The following BCHE variants were observed in gnomAD, a reference collection of about 807,000 sequenced individuals.
The protein encoded by BCHE is butyrylcholinesterase, also known as cholinesterase.
A neutral mutation model predicts 51.3 loss-of-function variants in BCHE; 48 were observed. The ratio of observed to expected loss-of-function variants is 0.94; its 90% CI spans 0.74 to 1.19. BCHE has a LOEUF of 1.19. BCHE is among the 50% of genes most tolerant of loss of function. BCHE has a pLI of 0.00. For missense variants in BCHE, 847 were observed against 708.2 expected, an observed-to-expected ratio of 1.20 and a Z score of -2.23; for synonymous variants, 251 against 238.0, an observed-to-expected ratio of 1.05 and a Z score of -0.50.
At chr3:165,835,277 AC>A (rs769075555) in intron 1 of BCHE, among the ~76,000 whole-genome samples, 2 of 151,820 alleles carry the variant, frequency 1.3e-5, no homozygotes, top group Non-Finnish European at 3.0e-5. Flanking sequence ...TAAATGTTAT[AC>A]TATAAGATGT....
intron 1 of BCHE, among the ~76,000 whole-genome samples, chr3:165,837,028 T>C (rs1715213842): frequency 6.6e-6 from 1 of 152,150 alleles, no homozygotes; most frequent in South Asian, 2.1e-4. Context: ...AGAATATATA[T>C]CACAGTGATT....
intron 2 of BCHE, among the ~76,000 whole-genome samples, chr3:165,802,003 C>T (rs954657007): frequency 2.0e-5 from 3 of 152,136 alleles, no homozygotes; most frequent in Admixed American, 2.0e-4. Flanking sequence ...ACTATATTAA[C>T]CCTCACTGTC....
At chr3:165,789,143 A>T (rs1338162074) in intron 2 of BCHE, among the ~76,000 whole-genome samples, 1 of 152,180 alleles carries the variant, frequency 6.6e-6, no homozygotes, top group East Asian at 1.9e-4. Context: ...AATAGTAATA[A>T]CTAAAACTTT....
At chr3:165,832,633 A>G (rs1169699182) in intron 1 of BCHE, among the ~76,000 whole-genome samples, 7 of 152,154 alleles carry the variant, frequency 4.6e-5, no homozygotes, top group African/African-American at 1.7e-4. Context: ...ATAGTCAATT[A>G]CAAATACTGA....
chr3:165,837,342 T>C lies in BCHE; in HGVS notation c.-37A>G. On this transcript the variant is annotated 5_prime_UTR_variant, in exon 1 of 4. Coordinates refer to ENST00000264381, the MANE Select transcript of BCHE (RefSeq NM_000055.4). ...ATTCTCTGCAACAAAGATGGCAAAG[T>C]TTGCAAGGAGTGAAAATCATGTAAT... is the stretch of plus-strand genomic sequence containing the variant. The C allele has an allele frequency of 7.8e-7, 1 of 1,289,730 alleles. No individual in the cohort carries two copies. The highest frequency in any genetic ancestry group is 1.0e-6 in the Non-Finnish European group (1 of 988,812). The allele number at this position is 1,289,730 out of a possible 1,614,324, so 79.9% of individuals were successfully genotyped here.
intron 1 of BCHE, among the ~76,000 whole-genome samples, chr3:165,836,942 T>C (rs2108240581): frequency 6.6e-6 from 1 of 152,300 alleles, no homozygotes; most frequent in East Asian, 1.9e-4. Flanking sequence ...CAAAGATTAC[T>C]TTTACAGAGA....
At chr3:165,825,101 A>G (rs1416386418) in intron 2 of BCHE, among the ~76,000 whole-genome samples, 2 of 152,040 alleles carry the variant, frequency 1.3e-5, no homozygotes, top group Non-Finnish European at 2.9e-5. Context: ...TAGACATACT[A>G]TATAAGACAC....
rs1289157673 is a variant in BCHE at position 165,829,636 on chromosome 3, A to T, written c.1398T>A (p.His466Gln). The T allele has an allele frequency of 6.2e-7, 1 of 1,613,832 alleles. No homozygotes were observed. The highest frequency in any genetic ancestry group is 2.2e-5 in the East Asian group (1 of 44,860). ...CAAAGACAAATTCAATTTCATAGCC[A>T]TGCATCACTCCCATCCATTCTGGCC... ...LPWPEWMGVM[H>Q]GYEIEFVFGL... Residue 466 changes from histidine to glutamine, a missense_variant, in exon 2 of 4, where the codon CAT (histidine) becomes CAA (glutamine). Coordinates refer to ENST00000264381, the MANE Select transcript of BCHE (RefSeq NM_000055.4).
At chr3:165,807,132 A>G (rs1332032082) in intron 2 of BCHE, among the ~76,000 whole-genome samples, 1 of 152,098 alleles carries the variant, frequency 6.6e-6, no homozygotes, top group Non-Finnish European at 1.5e-5. Context: ...ACTGAAGAAA[A>G]TGTTTCACTG....
chr3:165,790,501 A>T (rs1713126199), intron 2 of BCHE, among the ~76,000 whole-genome samples: 1 of 152,170 alleles, frequency 6.6e-6, no homozygotes, highest in African/African-American at 2.4e-5. Context: ...GGCTTTTCTG[A>T]GTTCTATGAA....
intron 2 of BCHE, among the ~76,000 whole-genome samples, chr3:165,815,607 A>G (rs1181476677): frequency 1.3e-5 from 2 of 152,142 alleles, no homozygotes; most frequent in Middle Eastern, 3.2e-3. Flanking sequence ...TTAATATTAT[A>G]GATTTAAAAT....
chr3:165,787,928 A>G (rs79561236), intron 2 of BCHE, among the ~76,000 whole-genome samples: 2,409 of 152,176 alleles, frequency 0.016, 71 homozygotes, highest in African/African-American at 0.055. Context: ...TAACATAAAC[A>G]AAAGATTAAA....
intron 3 of BCHE, among the ~76,000 whole-genome samples, chr3:165,777,381 C>T (rs1712512085): frequency 6.6e-6 from 1 of 151,254 alleles, no homozygotes; most frequent in Non-Finnish European, 1.5e-5. Context: ...AGTTATCACC[C>T]CAATAAAGCT....
In BCHE at chr3:165,829,923, T is replaced by C. The variant is rs1198996365; in HGVS notation, c.1111A>G (p.Ser371Gly). The change falls in exon 2 of 4, where the codon AGT becomes GGT. Residue 371 changes from serine to glycine, a missense_variant. Coordinates refer to ENST00000264381, the MANE Select transcript of BCHE (RefSeq NM_000055.4). ...GAPGFSKDNN[S>G]IITRKEFQEG... ...TGAAATTCTTTTCTAGTTATGATACTATTGTTATCTTTGCTGAAGCCAGGA... is the reference window on the plus strand; with the variant it reads ...TGAAATTCTTTTCTAGTTATGATACCATTGTTATCTTTGCTGAAGCCAGGA... 6.2e-7 allele frequency: 1 copy of C among 1,613,350 alleles called. No homozygotes were observed. The highest frequency in any genetic ancestry group is 8.5e-7 in the Non-Finnish European group (1 of 1,179,800).
intron 2 of BCHE, among the ~76,000 whole-genome samples, chr3:165,808,313 T>G (rs1222818314): frequency 1.3e-5 from 2 of 152,106 alleles, no homozygotes; most frequent in African/African-American, 4.8e-5. Context: ...CTCCAGCTAT[T>G]GAAAAACAGT....
chr3:165,816,865 A>G (rs1714332023), intron 2 of BCHE, among the ~76,000 whole-genome samples: 1 of 151,882 alleles, frequency 6.6e-6, no homozygotes, highest in African/African-American at 2.4e-5. Context: ...AGTGAAATAA[A>G]CCTGTCTCAT....
Position 165,830,427 on chromosome 3 carries a change from G to A in BCHE, c.607C>T (p.Leu203Phe). ...NMGLFDQQLA[L>F]QWVQKNIAAF... The stretch of plus-strand genomic sequence containing the variant: ...GCTATATTTTTTTGAACCCACTGAA[G>A]AGCCAACTGTTGATCAAATAAACCC... Residue 203 changes from leucine to phenylalanine, a missense_variant, in exon 2 of 4, where the codon CTT becomes TTT. Coordinates refer to ENST00000264381, the MANE Select transcript of BCHE (RefSeq NM_000055.4). The A allele has an allele frequency of 1.2e-6, 2 of 1,613,842 alleles. No homozygotes were observed. The highest frequency in any genetic ancestry group is 1.7e-6 in the Non-Finnish European group (2 of 1,179,906).
At chr3:165,819,344 C>G (rs1714429976) in intron 2 of BCHE, among the ~76,000 whole-genome samples, 2 of 151,976 alleles carry the variant, frequency 1.3e-5, no homozygotes, top group South Asian at 2.1e-4. Context: ...TCCCAAAGTG[C>G]TGGGATTACA....
chr3:165,820,111 A>G (rs188124000), intron 2 of BCHE, among the ~76,000 whole-genome samples: 1 of 152,122 alleles, frequency 6.6e-6, no homozygotes, highest in Non-Finnish European at 1.5e-5. Flanking sequence ...TGAGTGCATT[A>G]GTTTTTTTCT....
Sources: gnomAD v4.1 joint callset for allele counts (sites outside exome capture counted in the v4.1 genomes callset) on GRCh38, gnomAD v4.1.1 for gene constraint, MANE v1.5 for transcripts, NCBI Gene and HGNC (gene_info 2026-07-23, HGNC 2026-07-21) for gene names.